The following WASL variants were observed in gnomAD, a reference collection of about 807,000 sequenced individuals.
WASL encodes actin nucleation-promoting factor WASL.
WASL carries 20 observed loss-of-function variants against 55.5 expected under a neutral mutation model. That is an observed-to-expected ratio of 0.36 (90% CI 0.25 to 0.52). WASL has a LOEUF of 0.52. Among genes scored for constraint, WASL ranks in the 20% least tolerant of loss-of-function variants. The pLI, the probability that WASL is intolerant of heterozygous loss-of-function variation, is 0.92. For missense variants in WASL, 504 were observed against 622.5 expected (o/e 0.81, Z 2.03); for synonymous variants, 249 against 217.6 (o/e 1.14, Z -1.27).
chr7:123,715,074 G>A lies in WASL; in HGVS notation c.118-5851C>T, dbSNP rs539495937. On this transcript the variant is annotated intron_variant, in intron 1 of 10. Coordinates refer to ENST00000223023, the MANE Select transcript of WASL (RefSeq NM_003941.4). ...ACACAGCTCAATTCAGTGATTTAAA[G>A]AGATAAACAGCCACATACAGTTTGG... Among the ~76,000 whole-genome samples, 7 of 152,306 alleles carry A rather than the reference G, an allele frequency of 4.6e-5. No homozygotes were observed. In the East Asian group the frequency reaches 9.6e-4, roughly 21 times the overall value.
At chr7:123,732,357 A>G (rs536747397) in intron 1 of WASL, among the ~76,000 whole-genome samples, 1 of 152,000 alleles carries the variant, frequency 6.6e-6, no homozygotes, top group Non-Finnish European at 1.5e-5. Flanking sequence ...AAATAAAAAT[A>G]AAAAAAGAAG....
intron 1 of WASL, among the ~76,000 whole-genome samples, chr7:123,730,089 TACA>T (rs750712748): frequency 6.6e-6 from 1 of 152,144 alleles, no homozygotes; most frequent in South Asian, 2.1e-4. Flanking sequence ...AAGAAAAAAA[TACA>T]ACAACCTAAC....
At chr7:123,737,736 T>C (rs1388384248) in intron 1 of WASL, among the ~76,000 whole-genome samples, 3 of 151,906 alleles carry the variant, frequency 2.0e-5, no homozygotes, top group Non-Finnish European at 2.9e-5. Flanking sequence ...CCAGAAAGAT[T>C]AAAGATTTAA....
rs191076502 is a variant in WASL, at chr7:123,692,361, T to C, written c.1333A>G (p.Ile445Val). The C allele has an allele frequency of 6.2e-7, 1 of 1,610,036 alleles. No homozygotes were observed. Among genetic ancestry groups the C allele is most frequent in the African/African-American group, 1.3e-5 (1 of 74,808 alleles). The change falls in exon 9 of 11, where the codon ATC (isoleucine) becomes GTC (valine). Residue 445 changes from isoleucine to valine, a missense_variant. Physicochemically the swap from Ile to Val is conservative, Grantham distance 29 (BLOSUM62 3). This residue lies in a region of WASL where 3 missense variants were observed against 16.9 expected (regional missense o/e 0.18). Coordinates refer to ENST00000223023, the MANE Select transcript of WASL (RefSeq NM_003941.4). ...AGCTTACTTACAGATTTTAGTTGGA[T>C]ACCCTGTCGTATCTGGTCTAACAGT... Reference protein sequence around the residue: ...DALLDQIRQGIQLKSVADGQE... With the variant: ...DALLDQIRQGVQLKSVADGQE...
chr7:123,688,994 C>T, intron 10 of WASL, 48 bp downstream of exon 10: 1 of 1,448,846 alleles, frequency 6.9e-7, no homozygotes, highest in Non-Finnish European at 9.5e-7. Context: ...AACACACACG[C>T]ACACTCTCTC....
intron 1 of WASL, among the ~76,000 whole-genome samples, chr7:123,727,248 A>G (rs1180241842): frequency 6.6e-6 from 1 of 152,124 alleles, no homozygotes; most frequent in Non-Finnish European, 1.5e-5. Context: ...AGATTGCACA[A>G]CCACTTGGAG....
At chr7:123,688,582 G>A (rs185709341) in intron 10 of WASL, among the ~76,000 whole-genome samples, 25 of 152,078 alleles carry the variant, frequency 1.6e-4, no homozygotes, top group African/African-American at 5.8e-4. Context: ...GGCTGGTCTC[G>A]AACTCCCGAC....
intron 4 of WASL, 84 bp from the exon 5 acceptor site, chr7:123,704,741 T>C: frequency 8.9e-6 from 8 of 902,122 alleles, no homozygotes; most frequent in Non-Finnish European, 1.1e-5. Flanking sequence ...TAAACTGTCT[T>C]ATTCCTAAAT....
intron 1 of WASL, among the ~76,000 whole-genome samples, chr7:123,712,109 C>G: frequency 6.6e-6 from 1 of 152,124 alleles, no homozygotes; most frequent in East Asian, 1.9e-4. Flanking sequence ...AAGTATTTCT[C>G]TGATTCCTTA....
At chr7:123,707,404 A>G (rs770314721) in intron 2 of WASL, among the ~76,000 whole-genome samples, 5 of 152,192 alleles carry the variant, frequency 3.3e-5, no homozygotes, top group African/African-American at 4.8e-5. Flanking sequence ...ATGATGCAGA[A>G]AGAGACTGAT....
At chr7:123,739,650 T>C (rs986813194) in intron 1 of WASL, among the ~76,000 whole-genome samples, 4 of 152,192 alleles carry the variant, frequency 2.6e-5, no homozygotes, top group Non-Finnish European at 5.9e-5. Flanking sequence ...TAAGCTATAA[T>C]GTTTGGTGGG....
intron 1 of WASL, among the ~76,000 whole-genome samples, chr7:123,711,005 A>G (rs554480558): frequency 6.6e-6 from 1 of 152,340 alleles, no homozygotes; most frequent in East Asian, 1.9e-4. Context: ...AGTCTTTTTT[A>G]GTATGGTGCT....
intron 1 of WASL, among the ~76,000 whole-genome samples, chr7:123,731,802 G>C (rs897761557): frequency 4.0e-5 from 6 of 151,852 alleles, no homozygotes; most frequent in African/African-American, 1.5e-4. Flanking sequence ...AAATGTGCTA[G>C]AAAAGAAAAA....
intron 5 of WASL, among the ~76,000 whole-genome samples, chr7:123,702,650 T>C (rs1325302898): frequency 6.6e-6 from 1 of 152,172 alleles, no homozygotes; most frequent in Non-Finnish European, 1.5e-5. Context: ...TAACAACTAT[T>C]TACCCAGCAT....
chr7:123,736,386 A>G (rs549125574), intron 1 of WASL, among the ~76,000 whole-genome samples: 13 of 152,358 alleles, frequency 8.5e-5, no homozygotes, highest in African/African-American at 3.1e-4. Context: ...AACCAAGTGA[A>G]TAAATATAAG....
At chr7:123,720,368 A>C (rs1246847109) in intron 1 of WASL, 1 of 434,660 alleles carries the variant, frequency 2.3e-6, no homozygotes, top group Non-Finnish European at 4.5e-6. Flanking sequence ...AAAAGTTGTT[A>C]TTCAAGTAAT....
rs1310269986 is a variant in WASL, at chr7:123,692,692, G to C, written c.1002C>G (p.Val334=). The change falls in exon 9 of 11, where the codon GTC becomes GTG. Residue 334 remains valine (V), a synonymous_variant. Transcript: ENST00000223023. ...ACATCCTATTTGGCGGTGGTGGAGG[G>C]ACTGCTACACTTGGCCTGGAAGGAG... ...PPPPSRPSVA[V]PPPPPNRMYP... The C allele has an allele frequency of 1.3e-6, 2 of 1,528,936 alleles. No individual in the cohort carries two copies. The highest frequency in any genetic ancestry group is 2.6e-5 in the South Asian group (2 of 76,562). 94.7% of individuals were successfully genotyped at this position (1,528,936 alleles called of 1,614,324 possible). A position where few individuals can be genotyped will look rare whatever the true frequency, so the allele number is the denominator to read the frequency against.
intron 1 of WASL, among the ~76,000 whole-genome samples, chr7:123,743,025 T>C (rs1023847845): frequency 2.0e-5 from 3 of 152,116 alleles, no homozygotes; most frequent in African/African-American, 7.2e-5. Flanking sequence ...ATTTTCAAAT[T>C]AGAAAAGTGA....
At chr7:123,720,199 T>A in intron 1 of WASL, 2 of 390,306 alleles carry the variant, frequency 5.1e-6, no homozygotes, top group South Asian at 3.9e-5. Context: ...ATGACTTCTA[T>A]CAAAACCATT....
Sources: gnomAD v4.1 joint callset for allele counts (sites outside exome capture counted in the v4.1 genomes callset) on GRCh38, gnomAD v4.1.1 for gene constraint, gnomAD v4.1.1 regional missense constraint, MANE v1.5 for transcripts, NCBI Gene and HGNC (gene_info 2026-07-23, HGNC 2026-07-21) for gene names.